HIVEP2: variants seen among roughly 807,000 people sequenced by gnomAD.
HIVEP2 encodes HIVEP zinc finger 2, also known as transcription factor HIVEP2.
In HIVEP2, 14 loss-of-function variants were observed where a neutral mutation model predicts 180.7. The ratio of observed to expected loss-of-function variants is 0.08; its 90% confidence interval spans 0.05 to 0.12. HIVEP2 has a LOEUF of 0.12. HIVEP2 is among the 10% of genes least tolerant of loss of function. The probability of loss-of-function intolerance (pLI) is 1.00; values close to 1 mark genes in which losing one functional copy is unlikely to be tolerated. For synonymous variants in HIVEP2, 1,184 were observed against 1,136.4 expected, an observed-to-expected ratio of 1.04 and a Z score of -0.84; for missense variants, 2,579 against 3,008.5, an observed-to-expected ratio of 0.86 and a Z score of 3.34.
intron 1 of HIVEP2, among the ~76,000 whole-genome samples, chr6:142,918,310 T>G (rs1161757132): frequency 6.6e-6 from 1 of 152,222 alleles, no homozygotes; most frequent in Non-Finnish European, 1.5e-5. Flanking sequence ...CCTCCCAAAG[T>G]GCTGAGATTA....
At chr6:142,933,557 T>C (rs1055415355) in intron 1 of HIVEP2, among the ~76,000 whole-genome samples, 4 of 152,186 alleles carry the variant, frequency 2.6e-5, no homozygotes, top group African/African-American at 7.2e-5. Flanking sequence ...ATATAAATTA[T>C]TGGGATTATT....
At chr6:142,847,414 T>A (rs1271680945) in intron 1 of HIVEP2, among the ~76,000 whole-genome samples, 1 of 148,072 alleles carries the variant, frequency 6.8e-6, no homozygotes. Flanking sequence ...TATGAAGCCA[T>A]GAAATGTTAG....
intron 2 of HIVEP2, among the ~76,000 whole-genome samples, chr6:142,831,464 G>A (rs766349096): frequency 2.2e-4 from 34 of 152,160 alleles, no homozygotes; most frequent in Middle Eastern, 3.4e-3. Context: ...TCCCTGAAGC[G>A]CAGCTCTGAG....
chr6:142,872,489 C>T (rs1306111629), intron 1 of HIVEP2, among the ~76,000 whole-genome samples: 1 of 152,110 alleles, frequency 6.6e-6, no homozygotes, highest in African/African-American at 2.4e-5. Context: ...TAAGTTGATG[C>T]CATCTTTTTC....
intron 1 of HIVEP2, among the ~76,000 whole-genome samples, chr6:142,873,468 A>G (rs1776348341): frequency 6.6e-6 from 1 of 152,214 alleles, no homozygotes; most frequent in Admixed American, 6.5e-5. Context: ...ACCATGATTT[A>G]CCACAGGCTT....
At chr6:142,825,921 A>G (rs778847842) in intron 2 of HIVEP2, among the ~76,000 whole-genome samples, 3 of 152,074 alleles carry the variant, frequency 2.0e-5, no homozygotes, top group African/African-American at 7.2e-5. Flanking sequence ...TAAAAAGGGC[A>G]TATGTAAAAT....
intron 1 of HIVEP2, among the ~76,000 whole-genome samples, chr6:142,925,774 T>C (rs1382445230): frequency 6.6e-6 from 1 of 152,174 alleles, no homozygotes; most frequent in Non-Finnish European, 1.5e-5. Context: ...CATGTAAACA[T>C]AGTGTATGTT....
intron 2 of HIVEP2, among the ~76,000 whole-genome samples, chr6:142,815,228 G>C (rs1413060555): frequency 1.3e-5 from 2 of 152,088 alleles, no homozygotes; most frequent in Non-Finnish European, 2.9e-5. Flanking sequence ...CTTTGGGGGG[G>C]ACACATTCAA....
At chr6:142,862,255 C>A (rs1775998058) in intron 1 of HIVEP2, among the ~76,000 whole-genome samples, 1 of 151,918 alleles carries the variant, frequency 6.6e-6, no homozygotes, top group African/African-American at 2.4e-5. Flanking sequence ...AGTGTCACTC[C>A]TTCAGACAAT....
At chr6:142,868,829 C>A (rs1274483208) in intron 1 of HIVEP2, among the ~76,000 whole-genome samples, 1 of 152,156 alleles carries the variant, frequency 6.6e-6, no homozygotes. Flanking sequence ...TCAGAAAACA[C>A]TTATCCTAAC....
intron 1 of HIVEP2, among the ~76,000 whole-genome samples, chr6:142,865,590 T>A (rs1776118142): frequency 6.6e-6 from 1 of 152,180 alleles, no homozygotes; most frequent in Non-Finnish European, 1.5e-5. Context: ...GTGATTGACT[T>A]CAGGCATACT....
intron 1 of HIVEP2, among the ~76,000 whole-genome samples, chr6:142,855,329 T>C (rs1384299471): frequency 6.6e-6 from 1 of 152,188 alleles, no homozygotes; most frequent in Non-Finnish European, 1.5e-5. Context: ...CCAATCTTTG[T>C]GTGTGCACAG....
rs76340710 is a variant in HIVEP2 at position 142,895,857 on chromosome 6, C to T, written c.-641+49242G>A. On this transcript the variant is annotated intron_variant, in intron 1 of 9. Transcript: ENST00000367603. ...CCCAACCTGTTTCATTTGAGTTTACCGAAGCAATAGATTTTTATTTTTGGT... is the reference window on the plus strand; with the variant it reads ...CCCAACCTGTTTCATTTGAGTTTACTGAAGCAATAGATTTTTATTTTTGGT... Among the ~76,000 whole-genome samples, 683 of 152,104 alleles carry T rather than the reference C, an allele frequency of 4.5e-3. 7 individuals carry two copies. The highest frequency in any genetic ancestry group is 0.016 in the African/African-American group (655 of 41,478).
At chr6:142,839,955 T>A (rs12216122) in intron 1 of HIVEP2, among the ~76,000 whole-genome samples, 1 of 152,114 alleles carries the variant, frequency 6.6e-6, no homozygotes, top group Admixed American at 6.6e-5. Flanking sequence ...GTGCCTCTCA[T>A]AGGCAAAAAT....
chr6:142,802,361 G>C (rs1378700754), intron 2 of HIVEP2, among the ~76,000 whole-genome samples: 1 of 152,094 alleles, frequency 6.6e-6, no homozygotes, highest in African/African-American at 2.4e-5. Context: ...TCTGTAGCAA[G>C]GCCTGGGAAA....
At chr6:142,791,718 C>T (rs1317781907) in intron 2 of HIVEP2, among the ~76,000 whole-genome samples, 2 of 152,152 alleles carry the variant, frequency 1.3e-5, no homozygotes, top group Admixed American at 6.6e-5. Context: ...ATTACTGCCT[C>T]ATTTACCAAA....
rs1174712600 is a variant in HIVEP2, at chr6:142,858,730, TA to T, written c.-640-21684del. 2.0e-5 allele frequency among the ~76,000 whole-genome samples: 3 copies of T among 152,214 alleles called. No individual in the cohort carries two copies. In the East Asian group the frequency reaches 5.8e-4, roughly 29 times the overall value. ...CCTCAGCCTCCCAAGTAGCTGGGAT[TA>T]CAGGTGCCCACCGCTACGCCTGGCT... On this transcript the variant is annotated intron_variant, in intron 1 of 9. Transcript: ENST00000367603.
chr6:142,923,124 G>C lies in HIVEP2; in HGVS notation c.-641+21975C>G, dbSNP rs555251788. On this transcript the variant is annotated intron_variant, in intron 1 of 9. Coordinates refer to ENST00000367603, the MANE Select transcript of HIVEP2 (RefSeq NM_006734.4). ...CCAAGGCGGGTGGATCACGAGGTCA[G>C]GAGTTCAAGACCAGCCTGGCCAAGA... Among the ~76,000 whole-genome samples the C allele has an allele frequency of 3.1e-3, 466 of 152,248 alleles. 2 individuals carry two copies. The highest frequency in any genetic ancestry group is 0.011 in the African/African-American group (450 of 41,548).
chr6:142,933,992 C>T (rs1170364131), intron 1 of HIVEP2, among the ~76,000 whole-genome samples: 1 of 152,076 alleles, frequency 6.6e-6, no homozygotes, highest in Non-Finnish European at 1.5e-5. Context: ...GCATTAGTGA[C>T]CTACACAAAA....
Sources: gnomAD v4.1 joint callset for allele counts (sites outside exome capture counted in the v4.1 genomes callset) on GRCh38, gnomAD v4.1.1 for gene constraint, MANE v1.5 for transcripts, NCBI Gene and HGNC (gene_info 2026-07-23, HGNC 2026-07-21) for gene names.